Variants in PPRC1 observed in about 807,000 individuals in gnomAD.
PPRC1 encodes peroxisome proliferator-activated receptor gamma coactivator-related protein 1.
Under a neutral mutation model 132.5 loss-of-function variants are expected in PPRC1, and 23 were observed. The observed-to-expected ratio is 0.17, with a 90% CI of 0.12 to 0.25. PPRC1 has a LOEUF of 0.25. Among genes scored for constraint, PPRC1 ranks in the 10% least tolerant of loss-of-function variants. The pLI, the probability that PPRC1 is intolerant of heterozygous loss-of-function variation, is 1.00. For missense variants in PPRC1, 2,006 were observed against 2,089.1 expected (o/e 0.96, Z 0.78); for synonymous variants, 872 against 833.5 (o/e 1.05, Z -0.80).
chr10:102,124,330 T>G, the PPRC1 span, among the ~76,000 whole-genome samples: 1 of 152,010 alleles, frequency 6.6e-6, no homozygotes, highest in Non-Finnish European at 1.5e-5. Context: ...CCCAAAGTGC[T>G]GGGATTACAG....
rs2069449379 is a variant in PPRC1 at position 102,150,183 on chromosome 10, T to A, written c.*154T>A. On this transcript the variant is annotated 3_prime_UTR_variant, in exon 14 of 14. Coordinates refer to ENST00000278070, the MANE Select transcript of PPRC1 (RefSeq NM_015062.5). The stretch of plus-strand genomic sequence containing the variant: ...AATAAAAAATATGTTGAATCAGATT[T>A]TTTAAAAGGGGTATTTGTTTTTTTA... 1 of 596,754 alleles carries A rather than the reference T, an allele frequency of 1.7e-6. No individual in the cohort carries two copies. The highest frequency in any genetic ancestry group is 2.1e-5 in the South Asian group (1 of 47,112). 37.0% of individuals were successfully genotyped at this position (596,754 alleles called of 1,614,324 possible). A position where few individuals can be genotyped will look rare whatever the true frequency, so the allele number is the denominator to read the frequency against.
At chr10:102,128,923 CTTTTTT>C (rs1027475920), upstream of PPRC1, among the ~76,000 whole-genome samples, 3 of 75,634 alleles carry the variant, frequency 4.0e-5, no homozygotes, top group African/African-American at 5.5e-5. Context: ...CAGCGGCAGT[CTTTTTT>C]TTTTTTTTTT....
intron 1 of PPRC1, among the ~76,000 whole-genome samples, chr10:102,137,303 G>A (rs1389211430): frequency 1.3e-5 from 2 of 152,182 alleles, no homozygotes; most frequent in Non-Finnish European, 2.9e-5. Flanking sequence ...ATGGGGGTAG[G>A]GGGTGGGGTG....
chr10:102,145,793 A>G (rs2069210446), intron 8 of PPRC1, among the ~76,000 whole-genome samples: 1 of 151,618 alleles, frequency 6.6e-6, no homozygotes, highest in African/African-American at 2.4e-5. Context: ...TGAACCCAGG[A>G]GGTTGAGCTT....
Position 102,149,659 on chromosome 10 carries a change from G to A in PPRC1, c.4892-267G>A, listed in dbSNP as rs376938836. On this transcript the variant is annotated intron_variant, in intron 13 of 13. Coordinates refer to ENST00000278070, the MANE Select transcript of PPRC1 (RefSeq NM_015062.5). ...AGGCAGGAGAATTGCTTGAACCCAG[G>A]AGGCGGAGGTTGCAGTGAGCTGACA... Among the ~76,000 whole-genome samples the A allele has an allele frequency of 1.2e-4, 18 of 151,788 alleles. 1 individual carries two copies. The East Asian group carries it at 2.5e-3, about 21-fold the overall frequency.
At position 102,140,756 on chromosome 10, in the gene PPRC1, C is replaced by A. The variant is rs753622091; in HGVS notation, c.2248C>A (p.Pro750Thr). 40 of 1,613,938 alleles carry A rather than the reference C, an allele frequency of 2.5e-5. No individual in the cohort carries two copies. Among genetic ancestry groups the A allele is most frequent in the Non-Finnish European group, 3.3e-5 (39 of 1,180,016 alleles). Residue 750 changes from proline to threonine, a missense_variant, in exon 5 of 14, where the codon CCT becomes ACT. Coordinates refer to ENST00000278070, the MANE Select transcript of PPRC1 (RefSeq NM_015062.5). The part of the protein sequence containing the change: ...SATTHEARPR[P>T]LSLSEYRRRR... The stretch of plus-strand genomic sequence containing the variant: ...TACAACCCATGAAGCCAGACCTCGG[C>A]CTCTCAGCTTATCTGAGTACCGGCG...
At position 102,137,850 on chromosome 10, in the gene PPRC1, G is replaced by T. The variant is rs1219911477; in HGVS notation, c.154G>T (p.Val52Leu). The T allele has an allele frequency of 1.2e-6, 2 of 1,613,540 alleles. No individual in the cohort carries two copies. The highest frequency in any genetic ancestry group is 1.7e-6 in the Non-Finnish European group (2 of 1,179,740). The change falls in exon 2 of 14, where the codon GTG becomes TTG. Residue 52 changes from valine (V) to leucine (L), a missense_variant and splice_region_variant. Coordinates refer to ENST00000278070, the MANE Select transcript of PPRC1 (RefSeq NM_015062.5). ...CTTCTCACCTTCTTCTCTGCTCCAGGTGCTGCTGCATGAGGAGGCGGGTGA... is the reference window on the plus strand; with the variant it reads ...CTTCTCACCTTCTTCTCTGCTCCAGTTGCTGCTGCATGAGGAGGCGGGTGA... The part of the protein sequence containing the change: ...TLGAVSGGEQ[V>L]LLHEEAGDSG...
the PPRC1 span, among the ~76,000 whole-genome samples, chr10:102,122,855 C>T: frequency 3.7e-4 from 56 of 152,146 alleles, no homozygotes; most frequent in Admixed American, 9.2e-4. Context: ...CTGCCCTAGG[C>T]CTTTTACACT....
At chr10:102,133,268 G>A in intron 1 of PPRC1, 47 bp downstream of exon 1, 1 of 1,243,450 alleles carries the variant, frequency 8.0e-7, no homozygotes, top group Non-Finnish European at 1.0e-6. Flanking sequence ...AGCGGTGTGT[G>A]CCGGGCGGTG....
At position 102,143,391 on chromosome 10, in the gene PPRC1, G is replaced by A. The variant is rs573055041; in HGVS notation, c.3550+293G>A. ...TGAGGCGGGTGGATCATGAGGTCAG[G>A]AGTTTGAGACCAGCCTGGCCAACAT... On this transcript the variant is annotated intron_variant, in intron 6 of 13. Coordinates refer to ENST00000278070, the MANE Select transcript of PPRC1 (RefSeq NM_015062.5). 7.2e-4 allele frequency among the ~76,000 whole-genome samples: 110 copies of A among 152,238 alleles called. 1 individual carries two copies. The highest frequency in any genetic ancestry group is 1.5e-3 in the South Asian group (7 of 4,822).
chr10:102,147,085 C>A lies in PPRC1; in HGVS notation c.4093C>A (p.Pro1365Thr). The change falls in exon 9 of 14, where the codon CCC (proline) becomes ACC (threonine). Residue 1365 changes from proline (P) to threonine (T), a missense_variant. Around this residue, in one of 2 missense-constraint regions of PPRC1, gnomAD observed 1,914 missense variants for 1,917.2 expected, o/e 1.00. Transcript: ENST00000278070. ...DHRTSSEQAD[P>T]SAPCLAPSSL... is the part of the protein sequence containing the mutation. Reference sequence around the variant, plus strand: ...CAGGACTAGCAGTGAGCAGGCAGATCCCTCAGCACCCTGCCTTGCCCCATC... The same window carrying A: ...CAGGACTAGCAGTGAGCAGGCAGATACCTCAGCACCCTGCCTTGCCCCATC... 2 of 1,614,156 alleles carry A rather than the reference C, an allele frequency of 1.2e-6. No individual in the cohort carries two copies. Among genetic ancestry groups the A allele is most frequent in the Non-Finnish European group, 1.7e-6 (2 of 1,180,028 alleles).
In PPRC1 at chr10:102,147,357, C is replaced by T. The variant is rs1427772264; in HGVS notation, c.4365C>T (p.Ser1455=). Reference sequence around the variant, plus strand: ...CGTCTTCCTCATCCCGATCTCGGTCCAGGTCCCTCTCCCCCCCACACAAGA... The same window carrying T: ...CGTCTTCCTCATCCCGATCTCGGTCTAGGTCCCTCTCCCCCCCACACAAGA... ...SSSSSSSRSR[S]RSLSPPHKRW... is the part of the protein sequence containing the mutation. Residue 1455 remains serine, a synonymous_variant, in exon 9 of 14, where the codon TCC becomes TCT. Transcript: ENST00000278070. The T allele has an allele frequency of 8.1e-6, 13 of 1,609,110 alleles. No individual in the cohort carries two copies. Among genetic ancestry groups the T allele is most frequent in the Non-Finnish European group, 1.1e-5 (13 of 1,179,508 alleles).
the PPRC1 span, chr10:102,120,047 TG>T: frequency 2.1e-6 from 3 of 1,410,986 alleles, no homozygotes; most frequent in Non-Finnish European, 9.4e-7. Context: ...CAGGGACGGC[TG>T]GGCAGGAAGG....
the PPRC1 span, among the ~76,000 whole-genome samples, chr10:102,124,374 C>G: frequency 6.7e-6 from 1 of 149,904 alleles, no homozygotes; most frequent in Non-Finnish European, 1.5e-5. Flanking sequence ...TCTTTCTTTT[C>G]TTTCTTGTTG....
At chr10:102,138,842 A>C (rs766261664) in intron 3 of PPRC1, 37 bp from the exon 4 acceptor site, 25 of 1,611,782 alleles carry the variant, frequency 1.6e-5, no homozygotes, top group Non-Finnish European at 2.0e-5. Context: ...ATAGCTCTGA[A>C]GCATAGACTG....
chr10:102,138,944 A>C lies in PPRC1; in HGVS notation c.555A>C (p.Pro185=). 6.2e-7 allele frequency: 1 copy of C among 1,614,102 alleles called. No individual in the cohort carries two copies. Among genetic ancestry groups the C allele is most frequent in the Non-Finnish European group, 8.5e-7 (1 of 1,179,996 alleles). ...GTGACCTCATCACCCCAGTTGACCC[A>C]CTGGGGCCCAGTACAGGCAGCAGTA... is the stretch of plus-strand genomic sequence containing the variant. ...PERDLITPVD[P]LGPSTGSSRG... Residue 185 remains proline, a synonymous_variant, in exon 4 of 14, where the codon CCA becomes CCC. Coordinates refer to ENST00000278070, the MANE Select transcript of PPRC1 (RefSeq NM_015062.5).
In PPRC1 at chr10:102,139,831, G is replaced by C; in HGVS notation, c.1323G>C (p.Glu441Asp). The change falls in exon 5 of 14, where the codon GAG becomes GAC. Residue 441 changes from glutamate to aspartate, a missense_variant. By Grantham distance (45) the Glu-to-Asp change is conservative. This residue lies in a region of PPRC1 where 1,914 missense variants were observed against 1,917.2 expected (regional missense o/e 1.00). Transcript: ENST00000278070. ...TCGTGGAGCCGGTGGTGCCCAAGGA[G>C]CCTCAGAACCCACCTGCCAATGCAG... ...REVVEPVVPK[E>D]PQNPPANAAP... The C allele has an allele frequency of 6.2e-7, 1 of 1,614,108 alleles. No individual in the cohort carries two copies. Among genetic ancestry groups the C allele is most frequent in the Non-Finnish European group, 8.5e-7 (1 of 1,180,012 alleles).
the PPRC1 span, among the ~76,000 whole-genome samples, chr10:102,124,893 G>A: frequency 6.6e-6 from 1 of 151,980 alleles, no homozygotes; most frequent in African/African-American, 2.4e-5. Context: ...TGATCCTCCT[G>A]CCTTGACCTT....
the PPRC1 span, among the ~76,000 whole-genome samples, chr10:102,125,825 T>A: frequency 5.3e-5 from 8 of 151,866 alleles, no homozygotes; most frequent in African/African-American, 1.9e-4. Context: ...TGAAATTCCT[T>A]CAACTAGTTA....
Sources: gnomAD v4.1 joint callset for allele counts (sites outside exome capture counted in the v4.1 genomes callset) on GRCh38, gnomAD v4.1.1 for gene constraint, gnomAD v4.1.1 regional missense constraint, MANE v1.5 for transcripts, NCBI Gene and HGNC (gene_info 2026-07-23, HGNC 2026-07-21) for gene names.